DGKK: variants seen among roughly 807,000 people sequenced by gnomAD.
DGKK encodes the protein diacylglycerol kinase kappa.
Under a neutral mutation model 92.2 loss-of-function variants are expected in DGKK, and 35 were observed. The ratio of observed to expected loss-of-function variants is 0.38; its 90% CI spans 0.29 to 0.50. DGKK has a LOEUF of 0.50. Among genes scored for constraint, DGKK ranks in the 20% least tolerant of loss-of-function variants. The pLI is 0.92. For synonymous variants in DGKK, 368 were observed against 360.6 expected (o/e 1.02, Z -0.23); for missense variants, 910 against 992.2 (o/e 0.92, Z 1.11).
At chrX:50,403,687 C>A in intron 5 of DGKK, 90 bp from the exon 6 acceptor site, 2 of 757,126 alleles carry the variant, frequency 2.6e-6, no homozygotes, top group Non-Finnish European at 4.0e-6. Flanking sequence ...AAAGTTAGAA[C>A]ACAGATGCAT....
intron 3 of DGKK, among the ~76,000 whole-genome samples, chrX:50,421,368 G>C (rs1455531379): frequency 9.0e-6 from 1 of 111,423 alleles, no homozygotes; most frequent in Non-Finnish European, 1.9e-5. Flanking sequence ...ACACCAACAA[G>C]GAATTTGTTT....
At chrX:50,390,541 C>T in intron 11 of DGKK, 132 bp from the exon 12 acceptor site, 1 of 528,799 alleles carries the variant, frequency 1.9e-6, no homozygotes, top group Non-Finnish European at 3.2e-6. Context: ...GGTGTCCAAG[C>T]AATCTCTGGT....
chrX:50,441,534 T>C (rs1296271035), intron 1 of DGKK, among the ~76,000 whole-genome samples: 1 of 111,826 alleles, frequency 8.9e-6, no homozygotes, highest in Non-Finnish European at 1.9e-5. Context: ...AACCTTTTAC[T>C]GTATGGAAAA....
chrX:50,409,692 C>T (rs1015859816), intron 4 of DGKK, among the ~76,000 whole-genome samples: 19 of 111,770 alleles, frequency 1.7e-4, no homozygotes, highest in Non-Finnish European at 3.4e-4. Flanking sequence ...TTCATGCAGT[C>T]CATTGCTCCG....
At chrX:50,387,116 G>A (rs1331709497) in intron 14 of DGKK, among the ~76,000 whole-genome samples, 1 of 111,503 alleles carries the variant, frequency 9.0e-6, no homozygotes, top group Non-Finnish European at 1.9e-5. Flanking sequence ...CATATTCTAG[G>A]GTAGTTGTGA....
chrX:50,410,901 G>A (rs957849764), intron 4 of DGKK, among the ~76,000 whole-genome samples: 26 of 111,489 alleles, frequency 2.3e-4, no homozygotes, highest in East Asian at 2.0e-3. Flanking sequence ...AGTACCAGCA[G>A]GGCTAGGTCA....
chrX:50,383,739 C>G (rs1924467827), intron 17 of DGKK, among the ~76,000 whole-genome samples: 1 of 111,632 alleles, frequency 9.0e-6, no homozygotes, highest in Admixed American at 9.5e-5. Context: ...AGACAGATGT[C>G]CTTAGATTTG....
chrX:50,407,503 A>G (rs1324543333), intron 4 of DGKK, among the ~76,000 whole-genome samples: 1 of 109,467 alleles, frequency 9.1e-6, no homozygotes, highest in Admixed American at 9.7e-5. Context: ...AGAAAGAAAG[A>G]GAGAGAGAGA....
intron 10 of DGKK, among the ~76,000 whole-genome samples, chrX:50,391,982 C>G (rs1355735825): frequency 8.9e-6 from 1 of 111,870 alleles, no homozygotes; most frequent in South Asian, 3.8e-4. Flanking sequence ...AACTTTCTGC[C>G]ACTCTTGAGA....
chrX:50,451,938 C>T (rs1557232485), intron 1 of DGKK, among the ~76,000 whole-genome samples: 2 of 111,916 alleles, frequency 1.8e-5, no homozygotes, highest in Non-Finnish European at 3.8e-5. Flanking sequence ...GAAAGGAAAA[C>T]GGACCAGAGG....
intron 8 of DGKK, among the ~76,000 whole-genome samples, chrX:50,393,695 A>G (rs1924761548): frequency 8.9e-6 from 1 of 111,808 alleles, no homozygotes; most frequent in Non-Finnish European, 1.9e-5. Flanking sequence ...GATTAGTAAA[A>G]CTGTGAGGAA....
At chrX:50,406,443 G>A (rs1035437353) in intron 4 of DGKK, among the ~76,000 whole-genome samples, 3 of 111,471 alleles carry the variant, frequency 2.7e-5, no homozygotes, top group East Asian at 2.8e-4. Context: ...GGGTTTAACC[G>A]ATATAATCAA....
chrX:50,371,805 T>C lies in DGKK; in HGVS notation c.3531A>G (p.Leu1177=), dbSNP rs782578226. 3.3e-6 allele frequency: 4 copies of C among 1,204,288 alleles called. No homozygotes were observed. Among genetic ancestry groups the C allele is most frequent in the Non-Finnish European group, 4.5e-6 (4 of 890,047 alleles). ...TATTCATGGCATCCAGGGCGCTTTGTAGTGCAGTCTCATCCTCAGCACTTC... is the reference window on the plus strand; with the variant it reads ...TATTCATGGCATCCAGGGCGCTTTGCAGTGCAGTCTCATCCTCAGCACTTC... The part of the protein sequence containing the change: ...LLRSAEDETA[L]QSALDAMNKE... Residue 1177 remains leucine (L), a synonymous_variant, in exon 26 of 28, where the codon CTA becomes CTG. Coordinates refer to ENST00000611977, the MANE Select transcript of DGKK (RefSeq NM_001013742.4).
chrX:50,447,098 G>A (rs1256675107), intron 1 of DGKK, among the ~76,000 whole-genome samples: 1 of 102,141 alleles, frequency 9.8e-6, no homozygotes, highest in African/African-American at 3.5e-5. Flanking sequence ...TGCATGGGGA[G>A]GAAATAGCTC....
At chrX:50,413,904 A>G (rs1284576860) in intron 4 of DGKK, among the ~76,000 whole-genome samples, 1 of 111,924 alleles carries the variant, frequency 8.9e-6, no homozygotes, top group Non-Finnish European at 1.9e-5. Flanking sequence ...GGATATTTGC[A>G]CTCCCAAGTT....
rs1569544087 is a variant in DGKK, at chrX:50,376,172, T to C, written c.3273-7A>G. ...CTTGCTCAGGTCATTAAGTCTGTAA[T>C]AAAGCAAGGACAGATAGATGAGTTG... On this transcript the variant is annotated splice_region_variant and splice_polypyrimidine_tract_variant and intron_variant, in intron 23 of 27. Coordinates refer to ENST00000611977, the MANE Select transcript of DGKK (RefSeq NM_001013742.4). The C allele has an allele frequency of 5.8e-6, 7 of 1,209,160 alleles. No individual in the cohort carries two copies. The South Asian group carries it at 1.1e-4, about 18-fold the overall frequency.
At chrX:50,453,247 G>A (rs2147149457) in intron 1 of DGKK, among the ~76,000 whole-genome samples, 1 of 111,445 alleles carries the variant, frequency 9.0e-6, no homozygotes, top group African/African-American at 3.3e-5. Context: ...TGGTTTTGTA[G>A]TCTGGAGCCT....
intron 1 of DGKK, among the ~76,000 whole-genome samples, chrX:50,462,113 TGTTCG>T (rs1926760200): frequency 4.5e-5 from 5 of 111,397 alleles, no homozygotes; most frequent in Admixed American, 9.5e-5. Flanking sequence ...CCAAATCATT[TGTTCG>T]GTTTGGAAAA....
rs532128924 is a variant in DGKK, at chrX:50,388,865, G to A, written c.1927-247C>T. The stretch of plus-strand genomic sequence containing the variant: ...AATAATCAAAACCTCATATGAAGGA[G>A]GTACTATTTCTTTCATGTTTCAAAT... On this transcript the variant is annotated intron_variant, in intron 12 of 27. Transcript: ENST00000611977. Among the ~76,000 whole-genome samples the A allele has an allele frequency of 2.6e-4, 29 of 111,875 alleles. No individual in the cohort carries two copies. The South Asian group carries it at 0.01, about 39-fold the overall frequency.
Sources: gnomAD v4.1 joint callset for allele counts (sites outside exome capture counted in the v4.1 genomes callset) on GRCh38, gnomAD v4.1.1 for gene constraint, MANE v1.5 for transcripts, NCBI Gene and HGNC (gene_info 2026-07-23, HGNC 2026-07-21) for gene names.